LGALS8: variants seen among roughly 807,000 people sequenced by gnomAD.
LGALS8 encodes the protein galectin-8.
Under a neutral mutation model 35.9 loss-of-function variants are expected in LGALS8, and 30 were observed. That is an observed-to-expected ratio of 0.83 (90% CI 0.62 to 1.13). The LOEUF is 1.13. LGALS8 is among the 50% of genes most tolerant of loss of function. LGALS8 has a pLI of 0.00. For synonymous variants in LGALS8, 138 were observed against 136.1 expected (o/e 1.01, Z -0.10); for missense variants, 366 against 388.7 (o/e 0.94, Z 0.49).
At chr1:236,518,683 T>TTTTA (rs1273531032), upstream of LGALS8, among the ~76,000 whole-genome samples, 2 of 152,162 alleles carry the variant, frequency 1.3e-5, no homozygotes, top group African/African-American at 4.8e-5. Context: ...TTGTCACAGG[T>TTTTA]TCTGTGACGG....
Position 236,550,755 on chromosome 1 carries a change from A to C in LGALS8, c.*2594A>C. 1 of 606,838 alleles carries C rather than the reference A, an allele frequency of 1.6e-6. No homozygotes were observed. The highest frequency in any genetic ancestry group is 2.8e-6 in the Non-Finnish European group (1 of 354,442). The allele number at this position is 606,838 out of a possible 1,614,324, so 37.6% of individuals were successfully genotyped here. A position where few individuals can be genotyped will look rare whatever the true frequency, so the allele number is the denominator to read the frequency against. On this transcript the variant is annotated 3_prime_UTR_variant, in exon 10 of 10. Coordinates refer to ENST00000366584, the MANE Select transcript of LGALS8 (RefSeq NM_201544.4). ...ATGTGGCAGCACAAGCCAGGTGGGG[A>C]TTTTGTAAAGAAGTGATAAAACATT...
upstream of LGALS8, among the ~76,000 whole-genome samples, chr1:236,519,113 G>A (rs61609484): frequency 0.092 from 13,961 of 151,872 alleles, 739 homozygotes; most frequent in Middle Eastern, 0.16. Context: ...TTTTGCCTGG[G>A]TATGGTGGCT....
chr1:236,518,747 T>C (rs577732381), upstream of LGALS8, among the ~76,000 whole-genome samples: 8 of 152,296 alleles, frequency 5.3e-5, no homozygotes, highest in East Asian at 1.5e-3. Context: ...AAGTTCTTGA[T>C]ACTCTTTTAT....
rs547086322 is a variant in LGALS8 at position 236,550,544 on chromosome 1, C to G, written c.*2383C>G. The G allele has an allele frequency of 3.1e-3, 616 of 195,680 alleles. 7 individuals are homozygous for G. Among genetic ancestry groups the G allele is most frequent in the African/African-American group, 0.014 (587 of 43,054 alleles). The allele number at this position is 195,680 out of a possible 1,614,324, so 12.1% of individuals were successfully genotyped here. ...ACCATGTATGTAAGATACTGCTGTA[C>G]AGAAGAGTTAAGGCTTACAGTGCAA... is the stretch of plus-strand genomic sequence containing the variant. On this transcript the variant is annotated 3_prime_UTR_variant, in exon 10 of 10. Transcript: ENST00000366584.
In LGALS8 at chr1:236,548,314, A is replaced by G; in HGVS notation, c.*153A>G. 1.4e-6 allele frequency: 1 copy of G among 719,602 alleles called. No homozygotes were observed. The highest frequency in any genetic ancestry group is 1.9e-5 in the South Asian group (1 of 53,560). 44.6% of individuals were successfully genotyped at this position (719,602 alleles called of 1,614,324 possible). A position where few individuals can be genotyped will look rare whatever the true frequency, so the allele number is the denominator to read the frequency against. ...CTGCTGGGTGTTCTCAGTCCTTGCC[A>G]TGAAGTATGGTGGTGTCTAGCACTG... On this transcript the variant is annotated 3_prime_UTR_variant, in exon 10 of 10. Transcript: ENST00000366584.
chr1:236,531,271 G>A (rs1349824390), intron 2 of LGALS8, among the ~76,000 whole-genome samples: 1 of 152,008 alleles, frequency 6.6e-6, no homozygotes, highest in Non-Finnish European at 1.5e-5. Flanking sequence ...TGTAAAAGTG[G>A]AATCACTAGG....
chr1:236,535,239 T>C (rs1044587838), intron 2 of LGALS8, among the ~76,000 whole-genome samples: 1 of 152,004 alleles, frequency 6.6e-6, no homozygotes, highest in Non-Finnish European at 1.5e-5. Context: ...TAAAATCCCA[T>C]CATCCCCCAT....
intron 2 of LGALS8, among the ~76,000 whole-genome samples, chr1:236,528,399 C>T (rs933985517): frequency 4.0e-5 from 6 of 150,390 alleles, no homozygotes; most frequent in African/African-American, 1.5e-4. Flanking sequence ...AAAAAACCCC[C>T]CCACACACAA....
chr1:236,540,433 ATG>A (rs1441857235), intron 4 of LGALS8, 129 bp from the exon 5 acceptor site: 3 of 1,011,458 alleles, frequency 3.0e-6, no homozygotes, highest in Non-Finnish European at 4.1e-6. Context: ...CCATTTGGTC[ATG>A]TGTGTGGAGA....
Position 236,551,843 on chromosome 1 carries a change from CCTGCCTGTATTTGAGACTGGAG to C in LGALS8, c.*3693_*3714del, listed in dbSNP as rs1210086583. On this transcript the variant is annotated 3_prime_UTR_variant, in exon 10 of 10. Transcript: ENST00000366584. ...ACCCAACTCAAAACAGGAGCTCGAG[CCTGCCTGTATTTGAGACTGGAG>C]CTGCCTGTATGAGGACTGGATCAAC... 88 of 584,196 alleles carry C rather than the reference CCTGCCTGTATTTGAGACTGGAG, an allele frequency of 1.5e-4. No individual in the cohort carries two copies. The highest frequency in any genetic ancestry group is 8.4e-4 in the Middle Eastern group (2 of 2,368). The allele number at this position is 584,196 out of a possible 1,614,324, so 36.2% of individuals were successfully genotyped here. A position where few individuals can be genotyped will look rare whatever the true frequency, so the allele number is the denominator to read the frequency against.
rs1662166432 is a variant in LGALS8, at chr1:236,543,620, A to G, written c.610A>G (p.Lys204Glu). Residue 204 changes from lysine to glutamate, a missense_variant, in exon 8 of 10, where the codon AAA (lysine) becomes GAA (glutamate). Lys to Glu is a moderately conservative substitution (Grantham distance 56). Coordinates refer to ENST00000366584, the MANE Select transcript of LGALS8 (RefSeq NM_201544.4). ...PMGPGRTVVV[K>E]GEVNANAKSF... Reference sequence around the variant, plus strand: ...GGGCCCTGGACGAACTGTCGTCGTTAAAGGAGAAGTGAATGCAAATGCCAA... The same window carrying G: ...GGGCCCTGGACGAACTGTCGTCGTTGAAGGAGAAGTGAATGCAAATGCCAA... 1 of 1,614,062 alleles carries G rather than the reference A, an allele frequency of 6.2e-7. No individual in the cohort carries two copies. Among genetic ancestry groups the G allele is most frequent in the Non-Finnish European group, 8.5e-7 (1 of 1,179,904 alleles).
In LGALS8 at chr1:236,539,420, C is replaced by T. The variant is rs1661807261; in HGVS notation, c.345+331C>T. Among the ~76,000 whole-genome samples, 4 of 152,174 alleles carry T rather than the reference C, an allele frequency of 2.6e-5. No homozygotes were observed. The South Asian group carries it at 8.3e-4, about 31-fold the overall frequency. ...GTAAGTTATAATATAACCGCCACCA[C>T]CCGAAGAGCTAACAAGGGCAATCCC... On this transcript the variant is annotated intron_variant, in intron 4 of 9. Transcript: ENST00000366584.
At chr1:236,545,247 G>A (rs116791472) in intron 9 of LGALS8, 356 of 170,912 alleles carry the variant, frequency 2.1e-3, no homozygotes, top group African/African-American at 8.0e-3. Context: ...TGAGGACGTG[G>A]AGACCCTAAA....
upstream of LGALS8, among the ~76,000 whole-genome samples, chr1:236,521,689 A>G (rs1229525013): frequency 6.6e-6 from 1 of 152,062 alleles, no homozygotes; most frequent in African/African-American, 2.4e-5. Context: ...TTAGCTGGGC[A>G]TGGTGGCGCG....
intron 7 of LGALS8, chr1:236,543,179 T>G (rs2103101818): frequency 1.3e-6 from 1 of 744,818 alleles, no homozygotes; most frequent in Non-Finnish European, 2.3e-6. Flanking sequence ...GATTCGAGAG[T>G]CAACCAGGCC....
chr1:236,529,387 G>A (rs1661013398), intron 2 of LGALS8, among the ~76,000 whole-genome samples: 1 of 152,014 alleles, frequency 6.6e-6, no homozygotes. Flanking sequence ...TTCGAGACCA[G>A]CCTGACTAAC....
At position 236,548,275 on chromosome 1, in the gene LGALS8, T is replaced by G; in HGVS notation, c.*114T>G. The G allele has an allele frequency of 9.8e-7, 1 of 1,025,362 alleles. No individual in the cohort carries two copies. Among genetic ancestry groups the G allele is most frequent in the Admixed American group, 2.3e-5 (1 of 43,010 alleles). The allele number at this position is 1,025,362 out of a possible 1,614,324, so 63.5% of individuals were successfully genotyped here. On this transcript the variant is annotated 3_prime_UTR_variant, in exon 10 of 10. Coordinates refer to ENST00000366584, the MANE Select transcript of LGALS8 (RefSeq NM_201544.4). ...TGTTTATATTGTTAAAATGAGCTTG[T>G]GCACCATTAGGTCCTGCTGGGTGTT...
chr1:236,551,757 T>C lies in LGALS8; in HGVS notation c.*3596T>C. 2.3e-6 allele frequency: 1 copy of C among 429,538 alleles called. No individual in the cohort carries two copies. The highest frequency in any genetic ancestry group is 2.0e-5 in the African/African-American group (1 of 49,662). The allele number at this position is 429,538 out of a possible 1,614,324, so 26.6% of individuals were successfully genotyped here. A position where few individuals can be genotyped will look rare whatever the true frequency, so the allele number is the denominator to read the frequency against. ...ACCACAAAAGAAAAGATCGTGAAGA[T>C]TACACTGTAAACGGACTCTCAAATG... On this transcript the variant is annotated 3_prime_UTR_variant, in exon 10 of 10. Coordinates refer to ENST00000366584, the MANE Select transcript of LGALS8 (RefSeq NM_201544.4).
Position 236,549,678 on chromosome 1 carries a change from G to A in LGALS8, c.*1517G>A, listed in dbSNP as rs549781713. ...AAAGCTGTAGAAGGCAAGAAGACTC[G>A]AGAATCCCCCAGAGTTATTTTTCTC... On this transcript the variant is annotated 3_prime_UTR_variant, in exon 10 of 10. Coordinates refer to ENST00000366584, the MANE Select transcript of LGALS8 (RefSeq NM_201544.4). 5 of 152,110 alleles carry A rather than the reference G, an allele frequency of 3.3e-5. No individual in the cohort carries two copies. The highest frequency in any genetic ancestry group is 7.2e-5 in the African/African-American group (3 of 41,410). The allele number at this position is 152,110 out of a possible 1,614,324, so 9.4% of individuals were successfully genotyped here.
Sources: allele counts gnomAD v4.1 joint callset (sites outside exome capture counted in the v4.1 genomes callset), GRCh38; gene constraint gnomAD v4.1.1; transcripts MANE v1.5; gene names NCBI Gene and HGNC (gene_info 2026-07-23, HGNC 2026-07-21).